The following ACOT9 variants were observed in gnomAD, a reference collection of about 807,000 sequenced individuals.
The protein encoded by ACOT9 is acyl-CoA thioesterase 9, also known as acyl-coenzyme A thioesterase 9, mitochondrial.
ACOT9 carries 34 observed loss-of-function variants against 39.7 expected under a neutral mutation model. The ratio of observed to expected loss-of-function variants is 0.86; its 90% CI spans 0.65 to 1.14. ACOT9 has a LOEUF of 1.14. Ranked by LOEUF, ACOT9 falls within the 50% of genes most tolerant of loss-of-function variation. The pLI is 0.00. For synonymous variants in ACOT9, 110 were observed against 120.5 expected, an observed-to-expected ratio of 0.91 and a Z score of 0.57; for missense variants, 313 against 344.1, an observed-to-expected ratio of 0.91 and a Z score of 0.71.
At chrX:23,714,837 C>A (rs914449015) in intron 8 of ACOT9, among the ~76,000 whole-genome samples, 2 of 110,840 alleles carry the variant, frequency 1.8e-5, no homozygotes. Flanking sequence ...CTGGTCTTGA[C>A]CTCCTGAGCT....
intron 8 of ACOT9, among the ~76,000 whole-genome samples, chrX:23,715,955 T>C (rs1212756059): frequency 8.9e-6 from 1 of 112,171 alleles, no homozygotes; most frequent in East Asian, 2.8e-4. Flanking sequence ...GAATGTTAAA[T>C]GAATGGATGT....
rs900261611 is a variant in ACOT9, at chrX:23,721,828, G to A, written c.588+53C>T. On this transcript the variant is annotated intron_variant, in intron 8 of 15. Coordinates refer to ENST00000379303, the MANE Select transcript of ACOT9 (RefSeq NM_001037171.2). ...ATAGGTAAATAAGCTTTTCTTGCATGGAGACTAGCTGGTTTTACTTAAACA... is the reference window on the plus strand; with the variant it reads ...ATAGGTAAATAAGCTTTTCTTGCATAGAGACTAGCTGGTTTTACTTAAACA... The A allele has an allele frequency of 1.1e-5, 11 of 1,020,752 alleles. No individual in the cohort carries two copies. The East Asian group carries it at 3.1e-4, about 29-fold the overall frequency. The allele number at this position is 1,020,752 out of a possible 1,213,427, so 84.1% of individuals were successfully genotyped here. A position where few individuals can be genotyped will look rare whatever the true frequency, so the allele number is the denominator to read the frequency against.
chrX:23,715,519 G>A (rs1015996091), intron 8 of ACOT9, among the ~76,000 whole-genome samples: 3 of 110,239 alleles, frequency 2.7e-5, no homozygotes, highest in East Asian at 5.7e-4. Context: ...AATACAGAGT[G>A]GTTTTTGTTG....
At chrX:23,725,055 T>C (rs1929459226) in intron 6 of ACOT9, among the ~76,000 whole-genome samples, 1 of 110,569 alleles carries the variant, frequency 9.0e-6, no homozygotes. Flanking sequence ...ACACTGGGAG[T>C]AGATGAGTTT....
Position 23,702,112 on chromosome X carries a change from C to G in ACOT9, c.*1782G>C, listed in dbSNP as rs925429246. The G allele has an allele frequency of 9.1e-6, 1 of 110,292 alleles. No individual in the cohort carries two copies. Among genetic ancestry groups the G allele is most frequent in the Non-Finnish European group, 1.9e-5 (1 of 52,827 alleles). The allele number at this position is 110,292 out of a possible 1,213,427, so 9.1% of individuals were successfully genotyped here. A position where few individuals can be genotyped will look rare whatever the true frequency, so the allele number is the denominator to read the frequency against. On this transcript the variant is annotated 3_prime_UTR_variant, in exon 16 of 16. Transcript: ENST00000379303. Reference sequence around the variant, plus strand: ...ACACAAAAATACTTTCCACCTAATTCTGAGGCAGAGCCAAGTTTGTGAACA... The same window carrying G: ...ACACAAAAATACTTTCCACCTAATTGTGAGGCAGAGCCAAGTTTGTGAACA...
At chrX:23,743,062 A>T in intron 1 of ACOT9, 63 bp downstream of exon 1, 1 of 1,104,140 alleles carries the variant, frequency 9.1e-7, no homozygotes. Context: ...CCGAAGCTCT[A>T]GGGGAAGACG....
Position 23,704,806 on chromosome X carries a change from T to A in ACOT9, c.1146A>T (p.Val382=). The change falls in exon 15 of 16, where the codon GTA becomes GTT. Residue 382 remains valine, a synonymous_variant. Coordinates refer to ENST00000379303, the MANE Select transcript of ACOT9 (RefSeq NM_001037171.2). The part of the protein sequence containing the change: ...FTQNNYIQVR[V]HSEVASLQEK... ...CCTGCAGGGAGGCCACTTCACTGTGTACTCTGACTTGAATATAATTATTCT... is the reference window on the plus strand; with the variant it reads ...CCTGCAGGGAGGCCACTTCACTGTGAACTCTGACTTGAATATAATTATTCT... 1.7e-6 allele frequency: 2 copies of A among 1,210,936 alleles called. No individual in the cohort carries two copies. Among genetic ancestry groups the A allele is most frequent in the Non-Finnish European group, 2.2e-6 (2 of 894,706 alleles).
intron 15 of ACOT9, 88 bp from the exon 16 acceptor site, chrX:23,704,070 AC>A: frequency 5.3e-6 from 4 of 760,770 alleles, no homozygotes; most frequent in Non-Finnish European, 7.9e-6. Flanking sequence ...CTACTTGGGA[AC>A]ACTGGGACAG....
Position 23,730,796 on chromosome X carries a change from T to G in ACOT9, c.362+20A>C. 2.6e-6 allele frequency: 3 copies of G among 1,167,690 alleles called. No individual in the cohort carries two copies. Among genetic ancestry groups the G allele is most frequent in the Non-Finnish European group, 3.4e-6 (3 of 872,562 alleles). On this transcript the variant is annotated intron_variant, in intron 5 of 15. Coordinates refer to ENST00000379303, the MANE Select transcript of ACOT9 (RefSeq NM_001037171.2). ...AAACAAGGAAATAAAAACAAATACA[T>G]AAAAATAGCACTGTGTTACCTTACG...
At chrX:23,725,401 G>GCAGAGGTTA (rs1208865896) in intron 6 of ACOT9, among the ~76,000 whole-genome samples, 1 of 102,804 alleles carries the variant, frequency 9.7e-6, no homozygotes, top group African/African-American at 3.7e-5. Context: ...AACTCGAGAG[G>GCAGAGGTTA]CAGAGGTTAC....
chrX:23,741,368 A>C (rs1920962633), intron 1 of ACOT9, among the ~76,000 whole-genome samples: 1 of 106,382 alleles, frequency 9.4e-6, no homozygotes, highest in African/African-American at 3.5e-5. Flanking sequence ...AAAAAAAAAG[A>C]AAACTCAAGG....
chrX:23,711,502 C>A (rs1928893864), intron 9 of ACOT9, among the ~76,000 whole-genome samples: 1 of 112,111 alleles, frequency 8.9e-6, no homozygotes, highest in Admixed American at 9.5e-5. Flanking sequence ...ACCCAATCGC[C>A]CTAGTTGTTA....
At chrX:23,731,052 C>G in intron 4 of ACOT9, 66 bp from the exon 5 acceptor site, 1 of 982,726 alleles carries the variant, frequency 1.0e-6, no homozygotes, top group Non-Finnish European at 1.4e-6. Flanking sequence ...CAGTGGTACA[C>G]AGGCCAGTAA....
At chrX:23,731,542 C>G (rs1248459753) in intron 4 of ACOT9, among the ~76,000 whole-genome samples, 1 of 109,671 alleles carries the variant, frequency 9.1e-6, no homozygotes, top group Admixed American at 9.9e-5. Context: ...TATATTCACC[C>G]TTATCAAAAA....
intron 1 of ACOT9, among the ~76,000 whole-genome samples, chrX:23,737,811 G>A (rs774731969): frequency 3.3e-4 from 36 of 110,147 alleles, no homozygotes; most frequent in Non-Finnish European, 6.3e-4. Flanking sequence ...AAATATTTTA[G>A]CTTCACTTTT....
At chrX:23,737,552 T>C (rs1227523617) in intron 1 of ACOT9, among the ~76,000 whole-genome samples, 2 of 112,393 alleles carry the variant, frequency 1.8e-5, no homozygotes, top group African/African-American at 6.5e-5. Flanking sequence ...CTGTAAAATC[T>C]ACATGCAGTT....
intron 8 of ACOT9, among the ~76,000 whole-genome samples, chrX:23,719,875 C>T (rs1173076712): frequency 2.8e-5 from 3 of 108,486 alleles, no homozygotes; most frequent in Admixed American, 9.9e-5. Context: ...CTCGCTCTGT[C>T]GCCCAGGCTG....
chrX:23,706,663 G>A lies in ACOT9; in HGVS notation c.807C>T (p.Thr269=), dbSNP rs1427890235. Residue 269 remains threonine, a synonymous_variant, in exon 11 of 16, where the codon ACC becomes ACT. Transcript: ENST00000379303. ...KMAPSAEERT[T]IHEMFLSTLD... ...GTGTGCTGAGAAACATCTCATGTAT[G>A]GTGGTCCTCTCCTCAGCGCTGGGGG... 8.3e-7 allele frequency: 1 copy of A among 1,203,232 alleles called. No homozygotes were observed. Among genetic ancestry groups the A allele is most frequent in the Non-Finnish European group, 1.1e-6 (1 of 891,566 alleles).
At chrX:23,733,117 A>G in intron 4 of ACOT9, 55 bp downstream of exon 4, 2 of 1,085,080 alleles carry the variant, frequency 1.8e-6, no homozygotes. Context: ...GCCTAAATAC[A>G]GTGTAGTATA....
Sources: allele counts gnomAD v4.1 joint callset (sites outside exome capture counted in the v4.1 genomes callset), GRCh38; gene constraint gnomAD v4.1.1; transcripts MANE v1.5; gene names NCBI Gene and HGNC (gene_info 2026-07-23, HGNC 2026-07-21).